The following RFX7 variants were observed in gnomAD, a reference collection of about 807,000 sequenced individuals.
The protein encoded by RFX7 is regulatory factor X7.
In RFX7, 26 loss-of-function variants were observed where a neutral mutation model predicts 111.8. That is an observed-to-expected ratio of 0.23 (90% confidence interval 0.17 to 0.32). RFX7 has a LOEUF of 0.32. RFX7 is among the 10% of genes least tolerant of loss of function. The pLI is 1.00. For synonymous variants in RFX7, 624 were observed against 624.4 expected (o/e 1.00, Z 0.01); for missense variants, 1,573 against 1,772.9 (o/e 0.89, Z 2.02).
At chr15:56,128,946 T>G (rs1468684042) in intron 5 of RFX7, among the ~76,000 whole-genome samples, 1 of 152,066 alleles carries the variant, frequency 6.6e-6, no homozygotes, top group African/African-American at 2.4e-5. Context: ...ATAATTCCAC[T>G]TCAATCAAAA....
chr15:56,198,014 A>C (rs1345361235), intron 2 of RFX7, among the ~76,000 whole-genome samples: 3 of 152,208 alleles, frequency 2.0e-5, no homozygotes, highest in Non-Finnish European at 4.4e-5. Context: ...GCCTAGGTAC[A>C]AAAAGGCAAT....
intron 2 of RFX7, among the ~76,000 whole-genome samples, chr15:56,204,017 AC>A (rs2043223667): frequency 7.6e-6 from 1 of 131,198 alleles, no homozygotes; most frequent in Non-Finnish European, 1.6e-5. Flanking sequence ...CTGTAACAAA[AC>A]CTTTTTTTTT....
At chr15:56,220,184 C>G (rs2043409287) in intron 2 of RFX7, among the ~76,000 whole-genome samples, 1 of 152,122 alleles carries the variant, frequency 6.6e-6, no homozygotes, top group Non-Finnish European at 1.5e-5. Flanking sequence ...CTTCTTTTAA[C>G]AAGCATCTGT....
intron 5 of RFX7, among the ~76,000 whole-genome samples, chr15:56,136,176 G>A (rs1475266975): frequency 6.6e-6 from 1 of 151,468 alleles, no homozygotes; most frequent in African/African-American, 2.4e-5. Context: ...GCTTGATGGG[G>A]ATGGCATTGA....
chr15:56,232,586 G>C (rs1393511152), intron 2 of RFX7, among the ~76,000 whole-genome samples: 2 of 147,958 alleles, frequency 1.4e-5, no homozygotes, highest in African/African-American at 4.9e-5. Flanking sequence ...CCTCAGAAAA[G>C]GGGTTTTTCT....
chr15:56,166,561 C>A (rs2042784890), intron 3 of RFX7, among the ~76,000 whole-genome samples: 1 of 152,048 alleles, frequency 6.6e-6, no homozygotes, highest in South Asian at 2.1e-4. Flanking sequence ...GCCCTATAGA[C>A]CTTACTATTT....
At chr15:56,213,109 T>C (rs1396218723) in intron 2 of RFX7, among the ~76,000 whole-genome samples, 2 of 152,240 alleles carry the variant, frequency 1.3e-5, no homozygotes, top group Non-Finnish European at 2.9e-5. Flanking sequence ...AAAGTTTTGC[T>C]ATCCTTTAGG....
intron 3 of RFX7, among the ~76,000 whole-genome samples, chr15:56,163,968 C>A (rs753678188): frequency 6.6e-6 from 1 of 152,042 alleles, no homozygotes; most frequent in East Asian, 1.9e-4. Context: ...ACGCCAGGCA[C>A]GTAATGCACA....
chr15:56,198,777 A>T (rs2043168281), intron 2 of RFX7, among the ~76,000 whole-genome samples: 1 of 152,194 alleles, frequency 6.6e-6, no homozygotes, highest in African/African-American at 2.4e-5. Context: ...ATTAGCTATG[A>T]AACTAATTGT....
intron 2 of RFX7, among the ~76,000 whole-genome samples, chr15:56,188,829 A>G (rs1427978908): frequency 6.6e-6 from 1 of 151,380 alleles, no homozygotes; most frequent in Admixed American, 6.6e-5. Flanking sequence ...AGCAATAAAC[A>G]TTTTTTTTTC....
chr15:56,154,716 C>T (rs1393218166), intron 3 of RFX7, among the ~76,000 whole-genome samples: 1 of 152,148 alleles, frequency 6.6e-6, no homozygotes, highest in Non-Finnish European at 1.5e-5. Flanking sequence ...AGGACATAGG[C>T]ATGGGCAAAG....
chr15:56,151,228 G>A (rs951581084), intron 3 of RFX7, among the ~76,000 whole-genome samples: 3 of 152,058 alleles, frequency 2.0e-5, no homozygotes, highest in Non-Finnish European at 4.4e-5. Flanking sequence ...GATACTCCTC[G>A]AGAAGAGCAA....
At chr15:56,204,167 G>A (rs373566838) in intron 2 of RFX7, among the ~76,000 whole-genome samples, 30 of 151,656 alleles carry the variant, frequency 2.0e-4, no homozygotes, top group Middle Eastern at 3.2e-3. Context: ...TTACAGGTGC[G>A]TACCACCACG....
At chr15:56,214,532 G>C (rs1485695009) in intron 2 of RFX7, among the ~76,000 whole-genome samples, 1 of 151,818 alleles carries the variant, frequency 6.6e-6, no homozygotes, top group African/African-American at 2.4e-5. Context: ...TGGTTAACAT[G>C]GTGAAACCCC....
chr15:56,234,871 A>G (rs1361061608), intron 2 of RFX7, among the ~76,000 whole-genome samples: 8 of 152,204 alleles, frequency 5.3e-5, no homozygotes, highest in Admixed American at 5.2e-4. Flanking sequence ...AAATTCAGTA[A>G]AAACTCACTA....
At chr15:56,178,239 AAG>A (rs1272560605) in intron 3 of RFX7, among the ~76,000 whole-genome samples, 6 of 151,550 alleles carry the variant, frequency 4.0e-5, no homozygotes, top group Non-Finnish European at 8.8e-5. Flanking sequence ...TGAAAGGAAA[AAG>A]AAAAACACCT....
At chr15:56,145,939 G>A (rs1595964041) in intron 3 of RFX7, among the ~76,000 whole-genome samples, 1 of 152,172 alleles carries the variant, frequency 6.6e-6, no homozygotes, top group East Asian at 1.9e-4. Flanking sequence ...TACAAAGAGT[G>A]AACAATACAA....
rs138879909 is a variant in RFX7, at chr15:56,214,262, G to C, written c.161+28863C>G. 1.4e-4 allele frequency among the ~76,000 whole-genome samples: 22 copies of C among 152,158 alleles called. No individual in the cohort carries two copies. The East Asian group carries it at 4.1e-3, about 28-fold the overall frequency. ...TTCTTCCACCAAAAGCTTAAAATCA[G>C]ACTGTCAGGTTTTTTGAAAAATATT... On this transcript the variant is annotated intron_variant, in intron 2 of 9. Transcript: ENST00000559447.
chr15:56,223,855 A>C (rs938320551), intron 2 of RFX7, among the ~76,000 whole-genome samples: 4 of 152,170 alleles, frequency 2.6e-5, no homozygotes, highest in African/African-American at 9.7e-5. Context: ...CCCACATATC[A>C]GTGGAGGTCA....
Sources: gnomAD v4.1 joint callset for allele counts (sites outside exome capture counted in the v4.1 genomes callset) on GRCh38, gnomAD v4.1.1 for gene constraint, MANE v1.5 for transcripts, NCBI Gene and HGNC (gene_info 2026-07-23, HGNC 2026-07-21) for gene names.